The following EPSTI1 variants were observed in gnomAD, a reference collection of about 807,000 sequenced individuals.
EPSTI1 encodes epithelial-stromal interaction protein 1.
Under a neutral mutation model 49.9 loss-of-function variants are expected in EPSTI1, and 66 were observed. That is an observed-to-expected ratio of 1.32 (90% confidence interval 1.08 to 1.62). The LOEUF is 1.62. Ranked by LOEUF, EPSTI1 falls within the 40% of genes most tolerant of loss-of-function variation. EPSTI1 has a pLI of 0.00. For missense variants in EPSTI1, 394 were observed against 365.5 expected (o/e 1.08, Z -0.64); for synonymous variants, 137 against 130.7 (o/e 1.05, Z -0.33).
At chr13:42,969,198 C>A in intron 2 of EPSTI1, 21 bp from the exon 3 acceptor site, 1 of 1,610,764 alleles carries the variant, frequency 6.2e-7, no homozygotes. Flanking sequence ...CGAGAAATAT[C>A]AAATCGTCAA....
At chr13:42,979,507 G>A (rs939300181) in intron 1 of EPSTI1, among the ~76,000 whole-genome samples, 15 of 150,984 alleles carry the variant, frequency 9.9e-5, no homozygotes, top group African/African-American at 3.6e-4. Context: ...GCGTGAACCC[G>A]GAAGGCGGCG....
intron 5 of EPSTI1, among the ~76,000 whole-genome samples, chr13:42,962,752 C>G (rs112734650): frequency 0.023 from 3,522 of 152,090 alleles, 139 homozygotes; most frequent in African/African-American, 0.081. Flanking sequence ...TGCACTCCAG[C>G]CTGTGCAACA....
intron 8 of EPSTI1, among the ~76,000 whole-genome samples, chr13:42,911,068 TA>T (rs1312361079): frequency 1.3e-5 from 2 of 152,222 alleles, no homozygotes; most frequent in Non-Finnish European, 2.9e-5. Context: ...TGATAAGATA[TA>T]AAAAGTTTTA....
At chr13:42,967,636 C>CCAAG (rs2039656913) in intron 3 of EPSTI1, among the ~76,000 whole-genome samples, 1 of 152,158 alleles carries the variant, frequency 6.6e-6, no homozygotes, top group South Asian at 2.1e-4. Flanking sequence ...AACAGTGAGG[C>CCAAG]CAAGCCCTGC....
chr13:42,951,093 G>A (rs2039081273), intron 6 of EPSTI1, among the ~76,000 whole-genome samples: 1 of 152,010 alleles, frequency 6.6e-6, no homozygotes. Context: ...GGAGGCGGAG[G>A]TTACAGTGAG....
chr13:42,935,612 G>A (rs6561097), intron 6 of EPSTI1, among the ~76,000 whole-genome samples: 127,959 of 152,098 alleles, frequency 0.84, 53,941 homozygotes, highest in African/African-American at 0.9. Context: ...TTTTTTTGAG[G>A]CAGAGTTTTG....
chr13:42,912,205 G>A (rs1373882077), intron 8 of EPSTI1, among the ~76,000 whole-genome samples: 1 of 152,242 alleles, frequency 6.6e-6, no homozygotes, highest in Non-Finnish European at 1.5e-5. Context: ...AAACCAATGT[G>A]CAGGATAAAT....
At chr13:42,975,281 C>T (rs1482021249) in intron 1 of EPSTI1, among the ~76,000 whole-genome samples, 2 of 152,118 alleles carry the variant, frequency 1.3e-5, no homozygotes, top group Admixed American at 6.6e-5. Context: ...CCAGGCCGAG[C>T]GAATTACCCT....
intron 10 of EPSTI1, among the ~76,000 whole-genome samples, chr13:42,892,148 A>G (rs564468333): frequency 6.6e-6 from 1 of 152,364 alleles, no homozygotes; most frequent in East Asian, 1.9e-4. Flanking sequence ...GAAGGAGAGC[A>G]GCAGGAGAGC....
chr13:42,983,137 G>A (rs1171059412), intron 1 of EPSTI1, among the ~76,000 whole-genome samples: 1 of 151,920 alleles, frequency 6.6e-6, no homozygotes, highest in Non-Finnish European at 1.5e-5. Flanking sequence ...TTTTTTATAG[G>A]GATATCAGCC....
At chr13:42,937,256 T>A (rs111592117) in intron 6 of EPSTI1, among the ~76,000 whole-genome samples, 15 of 152,202 alleles carry the variant, frequency 9.9e-5, no homozygotes, top group African/African-American at 3.6e-4. Context: ...CTTTGGTGAG[T>A]TGTAATCTTT....
chr13:42,962,619 C>A (rs998852074), intron 5 of EPSTI1, among the ~76,000 whole-genome samples: 141 of 132,810 alleles, frequency 1.1e-3, no homozygotes, highest in Middle Eastern at 3.9e-3. Flanking sequence ...ACAAAAAATA[C>A]AAAAAAAAAA....
chr13:42,992,043 T>A lies in EPSTI1; in HGVS notation c.123A>T (p.Arg41Ser). The change falls in exon 1 of 11, where the codon AGA (arginine) becomes AGT (serine). Residue 41 changes from arginine to serine, a missense_variant. Arg to Ser is a moderately radical substitution (Grantham distance 110). Transcript: ENST00000313624. The part of the protein sequence containing the change: ...QGELSPVEDQ[R>S]EGLEAAPKGP... ...CCTTAGGGGCTGCCTCCAAACCCTC[T>A]CTCTGGTCTTCCACGGGGCTCAGCT... The A allele has an allele frequency of 6.2e-7, 1 of 1,613,452 alleles. No individual in the cohort carries two copies. The highest frequency in any genetic ancestry group is 8.5e-7 in the Non-Finnish European group (1 of 1,180,024).
intron 1 of EPSTI1, among the ~76,000 whole-genome samples, chr13:42,989,567 C>CTTTTTTTTTTTTTTTTGCTTTTTTTTTT (rs2040153116): frequency 1.3e-5 from 1 of 79,020 alleles, no homozygotes; most frequent in Admixed American, 1.6e-4. Flanking sequence ...CCTCTTTTTT[C>CTTTTTTTTTTTTTTTTGCTTTTTTTTTT]TTTTTTTTTT....
At chr13:42,919,192 CCTT>C (rs1444204903) in intron 7 of EPSTI1, 6 of 963,008 alleles carry the variant, frequency 6.2e-6, no homozygotes, top group Non-Finnish European at 9.5e-6. Flanking sequence ...TTATTAAATA[CCTT>C]ATTATTAAAT....
At chr13:42,938,115 GTTTT>G (rs2038626035) in intron 6 of EPSTI1, among the ~76,000 whole-genome samples, 1 of 151,658 alleles carries the variant, frequency 6.6e-6, no homozygotes, top group Non-Finnish European at 1.5e-5. Flanking sequence ...TTGGTTCTTG[GTTTT>G]GATATTTGGT....
At chr13:42,967,412 C>G (rs939637956) in intron 3 of EPSTI1, among the ~76,000 whole-genome samples, 4 of 152,114 alleles carry the variant, frequency 2.6e-5, no homozygotes, top group African/African-American at 9.7e-5. Flanking sequence ...AGGCTGTTGT[C>G]CATTGGCCAC....
rs1255015807 is a variant in EPSTI1 at position 42,969,172 on chromosome 13, C to T, written c.253G>A (p.Glu85Lys). The change falls in exon 3 of 11, where the codon GAG becomes AAG. Residue 85 changes from glutamate to lysine, a missense_variant. By Grantham distance (56) the Glu-to-Lys change is moderately conservative. Coordinates refer to ENST00000313624, the MANE Select transcript of EPSTI1 (RefSeq NM_033255.5). ...NRRNEIQRIAEQELANLEKWK... is the reference protein window; with the variant it reads ...NRRNEIQRIAKQELANLEKWK... The stretch of plus-strand genomic sequence containing the variant: ...TTCTCCAGGTTGGCCAGCTCCTGCT[C>T]CGCAACTAAGCCAGGCGAGAAATAT... The T allele has an allele frequency of 6.2e-7, 1 of 1,613,878 alleles. No individual in the cohort carries two copies. The highest frequency in any genetic ancestry group is 1.3e-5 in the African/African-American group (1 of 74,922).
chr13:42,897,570 C>T (rs930040713), intron 9 of EPSTI1, among the ~76,000 whole-genome samples: 1 of 152,218 alleles, frequency 6.6e-6, no homozygotes, highest in Non-Finnish European at 1.5e-5. Context: ...ATGATGAGTG[C>T]AGACTGCAAA....
Sources: gnomAD v4.1 joint callset for allele counts (sites outside exome capture counted in the v4.1 genomes callset) on GRCh38, gnomAD v4.1.1 for gene constraint, MANE v1.5 for transcripts, NCBI Gene and HGNC (gene_info 2026-07-23, HGNC 2026-07-21) for gene names.